Variants in RAD51C observed in about 807,000 individuals in gnomAD.
RAD51C encodes RAD51 paralog C, also known as DNA repair protein RAD51 homolog 3.
A neutral mutation model predicts 45.0 loss-of-function variants in RAD51C; 42 were observed. The observed-to-expected ratio is 0.93, with a 90% CI of 0.73 to 1.21. RAD51C has a LOEUF of 1.21. RAD51C is among the 50% of genes most tolerant of loss of function. The pLI is 0.00. For synonymous variants in RAD51C, 172 were observed against 159.8 expected, an observed-to-expected ratio of 1.08 and a Z score of -0.58; for missense variants, 474 against 452.2, an observed-to-expected ratio of 1.05 and a Z score of -0.44.
At chr17:58,708,148 T>C (rs1027751646) in intron 4 of RAD51C, among the ~76,000 whole-genome samples, 3 of 152,212 alleles carry the variant, frequency 2.0e-5, no homozygotes, top group African/African-American at 7.2e-5. Context: ...AACAAGGTCA[T>C]GTTCTGCCTT....
At chr17:58,711,554 G>A (rs1400617140) in intron 5 of RAD51C, among the ~76,000 whole-genome samples, 3 of 151,960 alleles carry the variant, frequency 2.0e-5, no homozygotes, top group African/African-American at 4.8e-5. Flanking sequence ...TCGACATCTC[G>A]GGCTCAAGTG....
At chr17:58,730,457 G>A (rs1477823801) in intron 7 of RAD51C, among the ~76,000 whole-genome samples, 3 of 151,898 alleles carry the variant, frequency 2.0e-5, no homozygotes, top group Non-Finnish European at 4.4e-5. Context: ...GATTACAGGC[G>A]TGAGCCACCG....
At chr17:58,716,992 C>T (rs1243136934) in intron 5 of RAD51C, among the ~76,000 whole-genome samples, 2 of 152,004 alleles carry the variant, frequency 1.3e-5, no homozygotes, top group Non-Finnish European at 2.9e-5. Flanking sequence ...TTAGTAGAGA[C>T]GGGGTTTCAC....
intron 3 of RAD51C, 39 bp downstream of exon 3, chr17:58,696,898 A>G: frequency 6.2e-7 from 1 of 1,606,732 alleles, no homozygotes; most frequent in South Asian, 1.1e-5. Flanking sequence ...CTGTATTAAT[A>G]AAAGTAATTT....
chr17:58,703,498 G>A (rs573610430), intron 4 of RAD51C, among the ~76,000 whole-genome samples, 169 bp downstream of exon 4: 40 of 152,214 alleles, frequency 2.6e-4, no homozygotes, highest in Middle Eastern at 3.4e-3. Flanking sequence ...TTTTGTGTAT[G>A]TATATGTATA....
chr17:58,692,605 C>G lies in RAD51C; in HGVS notation c.-39C>G, dbSNP rs778493896. ...CGCCGCACGCCCCAGCGAGGGCGTG[C>G]GGAGTTTGGCTGCTCCGGGGTTAGC... On this transcript the variant is annotated 5_prime_UTR_variant, in exon 1 of 9. Transcript: ENST00000337432. The G allele has an allele frequency of 6.2e-6, 10 of 1,612,368 alleles. No individual in the cohort carries two copies. The African/African-American group carries it at 6.7e-5, about 11-fold the overall frequency.
chr17:58,714,105 C>T (rs2048649609), intron 5 of RAD51C, among the ~76,000 whole-genome samples: 1 of 152,030 alleles, frequency 6.6e-6, no homozygotes, highest in Non-Finnish European at 1.5e-5. Context: ...ATTCCACAGT[C>T]TCCCGAATAG....
At position 58,717,650 on chromosome 17, in the gene RAD51C, C is replaced by T. The variant is rs151174073; in HGVS notation, c.838-3096C>T. Among the ~76,000 whole-genome samples, 333 of 152,180 alleles carry T rather than the reference C, an allele frequency of 2.2e-3. 2 individuals carry two copies. Among genetic ancestry groups the T allele is most frequent in the Middle Eastern group, 0.017 (5 of 294 alleles). On this transcript the variant is annotated intron_variant, in intron 5 of 8. Transcript: ENST00000337432. The stretch of plus-strand genomic sequence containing the variant: ...ACTCATGAGGCTGAGGCAGGGGAAT[C>T]GCTTGAACTCAGGAGGCGGAGGTTG...
intron 2 of RAD51C, among the ~76,000 whole-genome samples, chr17:58,696,439 T>C (rs2048010057): frequency 6.6e-6 from 1 of 152,082 alleles, no homozygotes; most frequent in Non-Finnish European, 1.5e-5. Context: ...TCTCAAAACA[T>C]AAATAAAATA....
chr17:58,729,501 C>T (rs1457721828), intron 7 of RAD51C, among the ~76,000 whole-genome samples: 2 of 151,744 alleles, frequency 1.3e-5, no homozygotes, highest in African/African-American at 4.8e-5. Flanking sequence ...AGGTGTGAGC[C>T]ACCGCGCCCG....
At chr17:58,702,148 A>G (rs915062375) in intron 3 of RAD51C, among the ~76,000 whole-genome samples, 1 of 151,876 alleles carries the variant, frequency 6.6e-6, no homozygotes, top group African/African-American at 2.4e-5. Flanking sequence ...GTTGCACACC[A>G]TCACACCTGA....
At chr17:58,731,600 T>C (rs986232764) in intron 7 of RAD51C, among the ~76,000 whole-genome samples, 23 of 152,328 alleles carry the variant, frequency 1.5e-4, no homozygotes, top group Admixed American at 5.2e-4. Flanking sequence ...TTGTTGCTGT[T>C]ACAGTACTTG....
chr17:58,699,043 G>T (rs913893162), intron 3 of RAD51C, among the ~76,000 whole-genome samples: 1 of 151,860 alleles, frequency 6.6e-6, no homozygotes, highest in African/African-American at 2.4e-5. Flanking sequence ...GTTGCGCTCT[G>T]TCACCCAGGC....
rs139054992 is a variant in RAD51C, at chr17:58,730,903, C to T, written c.966-1581C>T. Among the ~76,000 whole-genome samples the T allele has an allele frequency of 1.2e-3, 179 of 152,218 alleles. 1 individual carries two copies. The highest frequency in any genetic ancestry group is 4.1e-3 in the African/African-American group (171 of 41,530). On this transcript the variant is annotated intron_variant, in intron 7 of 8. Coordinates refer to ENST00000337432, the MANE Select transcript of RAD51C (RefSeq NM_058216.3). ...CATTTTCAGACCTTTTTCATCTTCCCATACTGAAACTCTGTACCCATTAAA... is the reference window on the plus strand; with the variant it reads ...CATTTTCAGACCTTTTTCATCTTCCTATACTGAAACTCTGTACCCATTAAA...
At position 58,692,817 on chromosome 17, in the gene RAD51C, A is replaced by T. The variant is rs768612583; in HGVS notation, c.145+29A>T. The T allele has an allele frequency of 3.1e-6, 5 of 1,613,952 alleles. No individual in the cohort carries two copies. The South Asian group carries it at 5.5e-5, about 18-fold the overall frequency. ...ACGACTCCTGATGGCAAGCTGAGGCACACCGGCCGCCGTCAGCGCCGCCTC... is the reference window on the plus strand; with the variant it reads ...ACGACTCCTGATGGCAAGCTGAGGCTCACCGGCCGCCGTCAGCGCCGCCTC... On this transcript the variant is annotated intron_variant, in intron 1 of 8. Coordinates refer to ENST00000337432, the MANE Select transcript of RAD51C (RefSeq NM_058216.3).
At chr17:58,698,000 C>T (rs1240446422) in intron 3 of RAD51C, among the ~76,000 whole-genome samples, 1 of 151,940 alleles carries the variant, frequency 6.6e-6, no homozygotes, top group Non-Finnish European at 1.5e-5. Context: ...GCGTGAGCCA[C>T]CGCACCCGGC....
At chr17:58,696,984 G>A in intron 3 of RAD51C, 125 bp downstream of exon 3, 3 of 1,155,362 alleles carry the variant, frequency 2.6e-6, no homozygotes, top group Non-Finnish European at 3.8e-6. Context: ...GTTAACTAGT[G>A]TTAAACTCTT....
At chr17:58,731,902 A>G (rs1231206942) in intron 7 of RAD51C, among the ~76,000 whole-genome samples, 1 of 152,116 alleles carries the variant, frequency 6.6e-6, no homozygotes, top group Non-Finnish European at 1.5e-5. Context: ...TTTTAAAACA[A>G]TGTCGTCCTA....
intron 5 of RAD51C, among the ~76,000 whole-genome samples, chr17:58,711,547 A>ACATCTCGGGCTCAAGTGATCCTGC (rs2143867015): frequency 6.6e-6 from 1 of 152,260 alleles, no homozygotes; most frequent in African/African-American, 2.4e-5. Flanking sequence ...CACAGCCTCG[A>ACATCTCGGGCTCAAGTGATCCTGC]CATCTCGGGC....
Sources: allele counts gnomAD v4.1 joint callset (sites outside exome capture counted in the v4.1 genomes callset), GRCh38; gene constraint gnomAD v4.1.1; transcripts MANE v1.5; gene names NCBI Gene and HGNC (gene_info 2026-07-23, HGNC 2026-07-21).